Variants in SORCS2 observed in about 807,000 individuals in gnomAD.
SORCS2 encodes the protein sortilin related VPS10 domain containing receptor 2.
Under a neutral mutation model 141.6 loss-of-function variants are expected in SORCS2, and 100 were observed. The observed-to-expected ratio is 0.71, with a 90% confidence interval of 0.60 to 0.83. The LOEUF is 0.83. Among genes scored for constraint, SORCS2 ranks in the 40% least tolerant of loss-of-function variants. SORCS2 has a pLI of 0.00. For missense variants in SORCS2, 1,646 were observed against 1,560.2 expected, an observed-to-expected ratio of 1.05 and a Z score of -0.93; for synonymous variants, 789 against 676.9, an observed-to-expected ratio of 1.17 and a Z score of -2.57.
chr4:7,439,067 T>C (rs528676032), intron 2 of SORCS2, among the ~76,000 whole-genome samples: 1 of 152,210 alleles, frequency 6.6e-6, no homozygotes, highest in African/African-American at 2.4e-5. Flanking sequence ...GAAACCAAGA[T>C]CTGGATATGA....
intron 3 of SORCS2, among the ~76,000 whole-genome samples, chr4:7,627,175 G>C (rs894075015): frequency 2.6e-5 from 4 of 152,106 alleles, no homozygotes; most frequent in Admixed American, 1.3e-4. Flanking sequence ...TGGAGAGACA[G>C]GGTTTCGCCT....
At chr4:7,232,909 C>A (rs1213900669) in intron 1 of SORCS2, among the ~76,000 whole-genome samples, 1 of 152,218 alleles carries the variant, frequency 6.6e-6, no homozygotes, top group Non-Finnish European at 1.5e-5. Context: ...GACCCCCACC[C>A]TTGGGGAGTG....
chr4:7,193,178 C>T lies in SORCS2; in HGVS notation c.480+52C>T. Reference sequence around the variant, plus strand: ...GGCCCCTACCCGGGACACCGCGGGACACCCGGGCGGGACCGCCACGGCCCC... The same window carrying T: ...GGCCCCTACCCGGGACACCGCGGGATACCCGGGCGGGACCGCCACGGCCCC... On this transcript the variant is annotated intron_variant, in intron 1 of 26. Coordinates refer to ENST00000507866, the MANE Select transcript of SORCS2 (RefSeq NM_020777.3). This position sits in a 1 kb window ranked among gnomAD's most constrained non-coding sequence, Gnocchi z 4.8. 2 of 1,432,720 alleles carry T rather than the reference C, an allele frequency of 1.4e-6. No homozygotes were observed. Among genetic ancestry groups the T allele is most frequent in the African/African-American group, 1.5e-5 (1 of 67,898 alleles). 88.8% of individuals were successfully genotyped at this position (1,432,720 alleles called of 1,614,324 possible).
rs563669176 is a variant in SORCS2 at position 7,491,834 on chromosome 4, G to A, written c.549-39696G>A. ...CAGGGCACCCATCAGGTCAGGAGGG[G>A]TAGAACTGGCCCAGATGCCACAGTG... On this transcript the variant is annotated intron_variant, in intron 2 of 26. Transcript: ENST00000507866. 9.2e-5 allele frequency among the ~76,000 whole-genome samples: 14 copies of A among 152,314 alleles called. No homozygotes were observed. The East Asian group carries it at 2.7e-3, about 29-fold the overall frequency.
At chr4:7,235,213 G>A (rs1712181527) in intron 1 of SORCS2, among the ~76,000 whole-genome samples, 2 of 152,212 alleles carry the variant, frequency 1.3e-5, no homozygotes, top group African/African-American at 4.8e-5. Context: ...GCTTGCATGA[G>A]GGCGCCTTGT....
intron 1 of SORCS2, among the ~76,000 whole-genome samples, chr4:7,285,782 C>T (rs899495482): frequency 2.0e-5 from 3 of 152,326 alleles, no homozygotes; most frequent in African/African-American, 7.2e-5. Context: ...TTTAGTCTGG[C>T]GTGGGCTGCT....
At chr4:7,736,810 A>T (rs1108764) in intron 25 of SORCS2, among the ~76,000 whole-genome samples, 6 of 152,190 alleles carry the variant, frequency 3.9e-5, no homozygotes, top group African/African-American at 1.4e-4. Context: ...GATGACAGAT[A>T]CACAGTGATC....
At chr4:7,543,260 G>A (rs1258175742) in intron 3 of SORCS2, among the ~76,000 whole-genome samples, 1 of 152,278 alleles carries the variant, frequency 6.6e-6, no homozygotes, top group East Asian at 1.9e-4. Flanking sequence ...GAGGCAGGGA[G>A]GGTCACCCAT....
intron 5 of SORCS2, among the ~76,000 whole-genome samples, chr4:7,654,448 G>A (rs2108899807): frequency 6.6e-6 from 1 of 152,204 alleles, no homozygotes; most frequent in East Asian, 1.9e-4. Flanking sequence ...GTAGAGTCCA[G>A]GGGTTGGTGT....
At chr4:7,536,297 C>CG (rs1386757461) in intron 3 of SORCS2, among the ~76,000 whole-genome samples, 2 of 152,182 alleles carry the variant, frequency 1.3e-5, no homozygotes, top group African/African-American at 4.8e-5. Flanking sequence ...AATGCATATA[C>CG]GGTACCTAGA....
intron 4 of SORCS2, among the ~76,000 whole-genome samples, chr4:7,640,583 C>G (rs1222295949): frequency 2.0e-5 from 3 of 151,318 alleles, no homozygotes; most frequent in Non-Finnish European, 2.9e-5. Flanking sequence ...GGACTCGGGC[C>G]TTCGTTTAGG....
At chr4:7,239,316 G>A (rs1052174600) in intron 1 of SORCS2, among the ~76,000 whole-genome samples, 2 of 152,270 alleles carry the variant, frequency 1.3e-5, no homozygotes, top group African/African-American at 4.8e-5. Flanking sequence ...GGGCAGGGCT[G>A]TGGCCGGGAG....
chr4:7,547,925 A>G (rs918369983), intron 3 of SORCS2, among the ~76,000 whole-genome samples: 3 of 152,164 alleles, frequency 2.0e-5, no homozygotes, highest in South Asian at 2.1e-4. Flanking sequence ...ATGAAACCCA[A>G]TCTCAACATG....
At position 7,740,042 on chromosome 4, in the gene SORCS2, C is replaced by T. The variant is rs542757975; in HGVS notation, c.3416-158C>T. 5.9e-5 allele frequency among the ~76,000 whole-genome samples: 9 copies of T among 152,248 alleles called. No homozygotes were observed. The South Asian group carries it at 1.9e-3, about 32-fold the overall frequency. Reference sequence around the variant, plus strand: ...ACTCCTCAGGCACCCACCTAGGAACCGCGGAGACCCCCTGCACCTGCACGG... The same window carrying T: ...ACTCCTCAGGCACCCACCTAGGAACTGCGGAGACCCCCTGCACCTGCACGG... On this transcript the variant is annotated intron_variant, in intron 26 of 26. Transcript: ENST00000507866.
rs74530862 is a variant in SORCS2 at position 7,737,469 on chromosome 4, C to T, written c.3415+297C>T. On this transcript the variant is annotated intron_variant, in intron 26 of 26. Transcript: ENST00000507866. ...CAGCCCCATCAAGGCAGGGAAAGGA[C>T]GGGAAACAGGGCTGGCTTTGAAAGG... is the stretch of plus-strand genomic sequence containing the variant. 3.9e-3 allele frequency among the ~76,000 whole-genome samples: 588 copies of T among 152,210 alleles called. 1 individual carries two copies. The highest frequency in any genetic ancestry group is 5.0e-3 in the Non-Finnish European group (343 of 67,996).
rs148690672 is a variant in SORCS2 at position 7,286,437 on chromosome 4, C to T, written c.480+93311C>T. Among the ~76,000 whole-genome samples, 32 of 152,286 alleles carry T rather than the reference C, an allele frequency of 2.1e-4. No individual in the cohort carries two copies. Among genetic ancestry groups the T allele is most frequent in the African/African-American group, 7.0e-4 (29 of 41,554 alleles). ...AGGGAGACGTCCTGGAAGGCAGCCA[C>T]GAGGCCTGACGTTGGAGATGCACCA... On this transcript the variant is annotated intron_variant, in intron 1 of 26. Coordinates refer to ENST00000507866, the MANE Select transcript of SORCS2 (RefSeq NM_020777.3). The surrounding 1 kb of genome is among the most constrained non-coding windows in gnomAD (Gnocchi z 4.1).
At chr4:7,731,679 T>A (rs1711700068) in intron 23 of SORCS2, among the ~76,000 whole-genome samples, 1 of 152,140 alleles carries the variant, frequency 6.6e-6, no homozygotes, top group South Asian at 2.1e-4. Context: ...GTCAATTGAT[T>A]TTCAATAAAG....
rs775353258 is a variant in SORCS2, at chr4:7,654,130, A to G, written c.814-4A>G. On this transcript the variant is annotated splice_region_variant and splice_polypyrimidine_tract_variant and intron_variant, in intron 4 of 26. Transcript: ENST00000507866. ...AGCTTTTGTTTCTTTTTTCTGCCCT[A>G]AAGCTCTACGTGTCATCTGACTTGG... The G allele has an allele frequency of 6.4e-7, 1 of 1,572,212 alleles. No individual in the cohort carries two copies. Among genetic ancestry groups the G allele is most frequent in the Non-Finnish European group, 8.6e-7 (1 of 1,157,170 alleles).
chr4:7,728,611 T>C, intron 22 of SORCS2, 149 bp downstream of exon 22: 1 of 605,236 alleles, frequency 1.7e-6, no homozygotes, highest in South Asian at 2.1e-5. Flanking sequence ...GCTGGGGATG[T>C]TGAAAGCTAT....
Sources: allele counts gnomAD v4.1 joint callset (sites outside exome capture counted in the v4.1 genomes callset), GRCh38; gene constraint gnomAD v4.1.1; non-coding constraint Gnocchi (gnomAD v3.1); transcripts MANE v1.5; gene names NCBI Gene and HGNC (gene_info 2026-07-23, HGNC 2026-07-21).